Variants in PRKAR2A observed in about 807,000 individuals in gnomAD.
PRKAR2A encodes the protein protein kinase cAMP-dependent type II regulatory subunit alpha, also known as cAMP-dependent protein kinase type II-alpha regulatory subunit.
A neutral mutation model predicts 51.9 loss-of-function variants in PRKAR2A; 29 were observed. That is an observed-to-expected ratio of 0.56 (90% confidence interval 0.42 to 0.76). The LOEUF is 0.76. Ranked by LOEUF, PRKAR2A falls within the 30% of genes least tolerant of loss-of-function variation. The pLI is 0.00. For synonymous variants in PRKAR2A, 178 were observed against 186.2 expected (o/e 0.96, Z 0.36); for missense variants, 445 against 512.1 (o/e 0.87, Z 1.26).
chr3:48,843,088 C>T (rs2083405167), intron 1 of PRKAR2A, among the ~76,000 whole-genome samples: 1 of 152,206 alleles, frequency 6.6e-6, no homozygotes, highest in South Asian at 2.1e-4. Context: ...GCCACAATTT[C>T]AGATCCTGTT....
At chr3:48,784,067 C>T (rs938880390) in intron 4 of PRKAR2A, among the ~76,000 whole-genome samples, 1 of 152,088 alleles carries the variant, frequency 6.6e-6, no homozygotes, top group African/African-American at 2.4e-5. Flanking sequence ...ACAAATATTG[C>T]CTGCCATAAC....
intron 1 of PRKAR2A, among the ~76,000 whole-genome samples, chr3:48,818,914 T>C (rs917616424): frequency 6.6e-6 from 1 of 152,200 alleles, no homozygotes; most frequent in African/African-American, 2.4e-5. Flanking sequence ...AGGGTTTGTT[T>C]GCTGGTTTTT....
chr3:48,782,235 A>C (rs7627404), intron 5 of PRKAR2A, among the ~76,000 whole-genome samples: 102,507 of 151,830 alleles, frequency 0.68, 35,165 homozygotes, highest in East Asian at 0.96. Flanking sequence ...CCAAATATTT[A>C]ATCTTTTCCT....
intron 1 of PRKAR2A, among the ~76,000 whole-genome samples, chr3:48,810,808 A>C (rs2082758828): frequency 6.6e-6 from 1 of 152,274 alleles, no homozygotes; most frequent in African/African-American, 2.4e-5. Flanking sequence ...CTAGAAAAAG[A>C]AATTAAGGGA....
intron 5 of PRKAR2A, among the ~76,000 whole-genome samples, chr3:48,775,254 T>C (rs1213330509): frequency 1.1e-4 from 17 of 150,874 alleles, no homozygotes; most frequent in Admixed American, 1.1e-3. Flanking sequence ...GCCTGGCCAA[T>C]CTGGTGAAAC....
At chr3:48,785,589 G>A (rs1279201900) in intron 4 of PRKAR2A, among the ~76,000 whole-genome samples, 2 of 151,970 alleles carry the variant, frequency 1.3e-5, no homozygotes, top group African/African-American at 4.8e-5. Context: ...TAGAGACAGG[G>A]TTTCACCATG....
intron 8 of PRKAR2A, among the ~76,000 whole-genome samples, chr3:48,763,744 T>A (rs1210063418): frequency 6.6e-6 from 1 of 152,222 alleles, no homozygotes; most frequent in Non-Finnish European, 1.5e-5. Context: ...TGAAACCATA[T>A]GTATTACTTC....
chr3:48,807,844 A>G (rs1053214914), intron 1 of PRKAR2A, among the ~76,000 whole-genome samples, 160 bp from the exon 2 acceptor site: 1 of 152,162 alleles, frequency 6.6e-6, no homozygotes, highest in African/African-American at 2.4e-5. Context: ...TAGTTGTTCA[A>G]TGTGATAATA....
chr3:48,773,407 T>A (rs933212985), intron 5 of PRKAR2A, among the ~76,000 whole-genome samples: 7 of 138,644 alleles, frequency 5.0e-5, no homozygotes, highest in African/African-American at 1.9e-4. Context: ...GCAGGGGCGG[T>A]ATCTCAGCTC....
At chr3:48,815,342 TTA>T (rs199524869) in intron 1 of PRKAR2A, among the ~76,000 whole-genome samples, 111 of 149,842 alleles carry the variant, frequency 7.4e-4, no homozygotes, top group African/African-American at 2.3e-3. Context: ...ATTTTATATA[TTA>T]TATATATATA....
chr3:48,815,850 C>T (rs1201780758), intron 1 of PRKAR2A, among the ~76,000 whole-genome samples: 55 of 151,306 alleles, frequency 3.6e-4, no homozygotes, highest in Non-Finnish European at 2.9e-5. Flanking sequence ...GAAACCCCAT[C>T]TCTACTAAAA....
intron 1 of PRKAR2A, among the ~76,000 whole-genome samples, chr3:48,818,687 G>A (rs1352086078): frequency 6.6e-6 from 1 of 152,184 alleles, no homozygotes; most frequent in Non-Finnish European, 1.5e-5. Flanking sequence ...CAGGGAGCTT[G>A]AGCTGTGATT....
At chr3:48,812,583 C>G (rs1012031443) in intron 1 of PRKAR2A, among the ~76,000 whole-genome samples, 2 of 151,140 alleles carry the variant, frequency 1.3e-5, no homozygotes, top group Non-Finnish European at 2.9e-5. Context: ...CCCAGGTTCA[C>G]GCCATTCTCC....
At chr3:48,829,714 GTATA>G (rs1316297349) in intron 1 of PRKAR2A, among the ~76,000 whole-genome samples, 1 of 90,774 alleles carries the variant, frequency 1.1e-5, no homozygotes, top group Non-Finnish European at 2.1e-5. Context: ...ATTCTTATAC[GTATA>G]TATTTTATAT....
chr3:48,770,198 T>A (rs576857106), intron 6 of PRKAR2A, among the ~76,000 whole-genome samples: 1 of 152,152 alleles, frequency 6.6e-6, no homozygotes, highest in Non-Finnish European at 1.5e-5. Context: ...TAGCCTTTGA[T>A]GAGCATCCAA....
At chr3:48,765,724 CAAAAAAAAAAAAA>C (rs756566818) in intron 6 of PRKAR2A, among the ~76,000 whole-genome samples, 4 of 45,254 alleles carry the variant, frequency 8.8e-5, no homozygotes, top group African/African-American at 2.9e-4. Flanking sequence ...ACCCTCATTT[CAAAAAAAAAAAAA>C]AAAAAAAAAA....
At chr3:48,768,278 A>G (rs561071133) in intron 6 of PRKAR2A, among the ~76,000 whole-genome samples, 1 of 150,838 alleles carries the variant, frequency 6.6e-6, no homozygotes, top group South Asian at 2.1e-4. Flanking sequence ...TGGCCAACAG[A>G]GTGAGACCGT....
intron 1 of PRKAR2A, among the ~76,000 whole-genome samples, chr3:48,834,969 C>CTTTTT (rs765924891): frequency 1.5e-5 from 2 of 131,984 alleles, no homozygotes; most frequent in Non-Finnish European, 3.3e-5. Context: ...AGGAGGATCA[C>CTTTTT]TTTTTTTTTT....
intron 5 of PRKAR2A, among the ~76,000 whole-genome samples, chr3:48,775,063 A>T (rs889702057): frequency 6.6e-6 from 1 of 152,222 alleles, no homozygotes; most frequent in African/African-American, 2.4e-5. Context: ...TCACAAAAAG[A>T]TGTTGAATTT....
Sources: allele counts gnomAD v4.1 joint callset (sites outside exome capture counted in the v4.1 genomes callset), GRCh38; gene constraint gnomAD v4.1.1; transcripts MANE v1.5; gene names NCBI Gene and HGNC (gene_info 2026-07-23, HGNC 2026-07-21).